GPC6: variants seen among roughly 807,000 people sequenced by gnomAD.
GPC6 encodes the protein glypican 6.
Under a neutral mutation model 55.2 loss-of-function variants are expected in GPC6, and 14 were observed. The observed-to-expected ratio is 0.25, with a 90% confidence interval of 0.17 to 0.40. GPC6 has a LOEUF of 0.40. Ranked by LOEUF, GPC6 falls within the 10% of genes least tolerant of loss-of-function variation. GPC6 has a pLI of 1.00. For missense variants in GPC6, 641 were observed against 708.5 expected (o/e 0.90, Z 1.08); for synonymous variants, 278 against 259.6 (o/e 1.07, Z -0.68).
At chr13:94,284,571 C>G (rs1892477971) in intron 4 of GPC6, among the ~76,000 whole-genome samples, 2 of 151,440 alleles carry the variant, frequency 1.3e-5, no homozygotes, top group African/African-American at 4.9e-5. Flanking sequence ...AATATAAGCC[C>G]CAAAACACAC....
At position 94,136,355 on chromosome 13, in the gene GPC6, G is replaced by C. The variant is rs1034998117; in HGVS notation, c.877+108461G>C. Among the ~76,000 whole-genome samples the C allele has an allele frequency of 5.3e-5, 8 of 152,260 alleles. No individual in the cohort carries two copies. The East Asian group carries it at 1.5e-3, about 29-fold the overall frequency. ...CAAGAGAGTGGCGATAAGAGGCCAG[G>C]CATGGCGATAAGAAGGGTGTGCATG... On this transcript the variant is annotated intron_variant, in intron 4 of 8. Coordinates refer to ENST00000377047, the MANE Select transcript of GPC6 (RefSeq NM_005708.5).
At chr13:94,326,160 T>C (rs997629572) in intron 6 of GPC6, among the ~76,000 whole-genome samples, 3 of 152,148 alleles carry the variant, frequency 2.0e-5, no homozygotes, top group Non-Finnish European at 2.9e-5. Flanking sequence ...ACTGTATTTA[T>C]TTATATTTTC....
chr13:93,585,282 G>C (rs1013471698), intron 2 of GPC6, among the ~76,000 whole-genome samples: 1 of 152,094 alleles, frequency 6.6e-6, no homozygotes, highest in Admixed American at 6.6e-5. Context: ...GAAAGTTAAA[G>C]GTTTACAGAA....
chr13:94,111,262 T>C (rs1358684454), intron 4 of GPC6, among the ~76,000 whole-genome samples: 2 of 151,918 alleles, frequency 1.3e-5, no homozygotes, highest in Non-Finnish European at 2.9e-5. Flanking sequence ...ATCTGTCTCT[T>C]TTAATTTCAC....
chr13:93,309,365 ATT>A (rs201190270), intron 1 of GPC6, among the ~76,000 whole-genome samples: 2 of 151,994 alleles, frequency 1.3e-5, no homozygotes, highest in Non-Finnish European at 2.9e-5. Context: ...TGATGTTGCT[ATT>A]TTTTTGGTTA....
intron 2 of GPC6, among the ~76,000 whole-genome samples, chr13:93,637,592 C>T (rs1305478022): frequency 6.6e-6 from 1 of 152,124 alleles, no homozygotes; most frequent in Non-Finnish European, 1.5e-5. Context: ...GCTACAGCCT[C>T]AGAACTTTCC....
intron 2 of GPC6, among the ~76,000 whole-genome samples, chr13:93,607,450 A>G (rs1878282030): frequency 6.6e-6 from 1 of 152,192 alleles, no homozygotes; most frequent in Non-Finnish European, 1.5e-5. Context: ...CATGGATTGT[A>G]GAAGATTTGG....
At chr13:94,347,426 G>T (rs1250555145) in intron 6 of GPC6, among the ~76,000 whole-genome samples, 1 of 152,192 alleles carries the variant, frequency 6.6e-6, no homozygotes, top group African/African-American at 2.4e-5. Flanking sequence ...TGCTTTGATG[G>T]AGTATGATAT....
intron 2 of GPC6, among the ~76,000 whole-genome samples, chr13:93,689,456 A>AG (rs1384227076): frequency 6.6e-6 from 1 of 152,070 alleles, no homozygotes; most frequent in African/African-American, 2.4e-5. Flanking sequence ...CAAGCACATT[A>AG]GGGGGGATTA....
At chr13:93,792,689 G>A (rs1461235593) in intron 2 of GPC6, among the ~76,000 whole-genome samples, 3 of 152,144 alleles carry the variant, frequency 2.0e-5, no homozygotes, top group Non-Finnish European at 4.4e-5. Context: ...AGGGGAAAAC[G>A]TGGTTTTCAC....
At chr13:94,087,422 A>G (rs1023666168) in intron 4 of GPC6, among the ~76,000 whole-genome samples, 20 of 152,220 alleles carry the variant, frequency 1.3e-4, no homozygotes, top group African/African-American at 4.6e-4. Context: ...GTTCTTAGCC[A>G]ATGCAAAGTA....
chr13:94,115,915 C>A (rs1416376864), intron 4 of GPC6, among the ~76,000 whole-genome samples: 1 of 151,954 alleles, frequency 6.6e-6, no homozygotes, highest in African/African-American at 2.4e-5. Flanking sequence ...TCTTTTCACT[C>A]TCTGAATTAG....
At chr13:93,271,545 C>G (rs540044737) in intron 1 of GPC6, among the ~76,000 whole-genome samples, 1 of 151,954 alleles carries the variant, frequency 6.6e-6, no homozygotes, top group East Asian at 1.9e-4. Context: ...TACTCTTACA[C>G]AGAGATCTAA....
At chr13:94,120,767 G>A (rs931557328) in intron 4 of GPC6, among the ~76,000 whole-genome samples, 2 of 152,206 alleles carry the variant, frequency 1.3e-5, no homozygotes, top group South Asian at 4.1e-4. Context: ...ACACTAAGAT[G>A]TGGGGAAAGG....
At chr13:94,129,717 A>C (rs1886944749) in intron 4 of GPC6, among the ~76,000 whole-genome samples, 1 of 152,050 alleles carries the variant, frequency 6.6e-6, no homozygotes, top group African/African-American at 2.4e-5. Context: ...CCCTGTATTA[A>C]ATACTTTCTG....
intron 4 of GPC6, among the ~76,000 whole-genome samples, chr13:94,273,359 TA>T (rs1482676297): frequency 3.9e-5 from 6 of 152,126 alleles, no homozygotes; most frequent in Admixed American, 6.5e-5. Flanking sequence ...TGCAAGTTAA[TA>T]AAGAGGAAGG....
At chr13:93,363,365 A>G (rs1881120122) in intron 1 of GPC6, among the ~76,000 whole-genome samples, 1 of 148,072 alleles carries the variant, frequency 6.8e-6, no homozygotes, top group African/African-American at 2.5e-5. Context: ...ATTCCCACCT[A>G]TGAGTGAGAA....
At chr13:93,875,982 A>T (rs1218336889) in intron 3 of GPC6, among the ~76,000 whole-genome samples, 1 of 152,088 alleles carries the variant, frequency 6.6e-6, no homozygotes, top group Non-Finnish European at 1.5e-5. Context: ...AGTCTGCAGC[A>T]TTAAGGTTCC....
At chr13:93,531,012 C>T (rs1045375056) in intron 1 of GPC6, among the ~76,000 whole-genome samples, 3 of 152,060 alleles carry the variant, frequency 2.0e-5, no homozygotes, top group Admixed American at 6.6e-5. Flanking sequence ...TATAATATCT[C>T]AGATACTGAC....
Sources: gnomAD v4.1 joint callset for allele counts (sites outside exome capture counted in the v4.1 genomes callset) on GRCh38, gnomAD v4.1.1 for gene constraint, MANE v1.5 for transcripts, NCBI Gene and HGNC (gene_info 2026-07-23, HGNC 2026-07-21) for gene names.